PPP3CB: variants seen among roughly 807,000 people sequenced by gnomAD.
The protein encoded by PPP3CB is serine/threonine-protein phosphatase 2B catalytic subunit beta isoform.
In PPP3CB, 8 loss-of-function variants were observed where a neutral mutation model predicts 66.4. The observed-to-expected ratio is 0.12, with a 90% CI of 0.07 to 0.22. The LOEUF is 0.22. PPP3CB is among the 10% of genes least tolerant of loss of function. The pLI is 1.00. For missense variants in PPP3CB, 319 were observed against 642.5 expected (o/e 0.50, Z 5.44); for synonymous variants, 208 against 221.2 (o/e 0.94, Z 0.53).
intron 10 of PPP3CB, chr10:73,448,821 C>T (rs2056301575): frequency 2.1e-6 from 1 of 477,368 alleles, no homozygotes; most frequent in African/African-American, 2.0e-5. Context: ...AAATGAAGGC[C>T]CTCATATTTG....
At chr10:73,464,460 A>G (rs948826264) in intron 9 of PPP3CB, among the ~76,000 whole-genome samples, 8 of 152,186 alleles carry the variant, frequency 5.3e-5, no homozygotes, top group Admixed American at 4.6e-4. Context: ...AGATCATATA[A>G]TATTAGATCC....
At chr10:73,439,412 A>G (rs1161678200) in intron 13 of PPP3CB, among the ~76,000 whole-genome samples, 1 of 152,226 alleles carries the variant, frequency 6.6e-6, no homozygotes, top group Non-Finnish European at 1.5e-5. Flanking sequence ...CAGTTCCTGT[A>G]TTCTCAGTCA....
chr10:73,479,592 A>T lies in PPP3CB; in HGVS notation c.86-75T>A, dbSNP rs1003441472. On this transcript the variant is annotated intron_variant, in intron 1 of 13. Transcript: ENST00000360663. ...CTTAAAAACTAATAATTGGATCTAG[A>T]TAAGACTAAAAACTGTAAAGCAGGG... 11 of 1,367,408 alleles carry T rather than the reference A, an allele frequency of 8.0e-6. No individual in the cohort carries two copies. The Admixed American group carries it at 1.4e-4, about 17-fold the overall frequency. The allele number at this position is 1,367,408 out of a possible 1,614,324, so 84.7% of individuals were successfully genotyped here.
chr10:73,445,814 T>A (rs2056240014), intron 11 of PPP3CB, among the ~76,000 whole-genome samples: 1 of 149,230 alleles, frequency 6.7e-6, no homozygotes. Flanking sequence ...AGTGGCGTCA[T>A]CTCAGATCAC....
At chr10:73,481,625 T>TAA (rs1554825490) in intron 1 of PPP3CB, among the ~76,000 whole-genome samples, 1 of 138,654 alleles carries the variant, frequency 7.2e-6, no homozygotes. Flanking sequence ...TTAAAGTAAC[T>TAA]AAAAAAAAAC....
rs1299048964 is a variant in PPP3CB at position 73,441,375 on chromosome 10, G to A, written c.1367-1474C>T. Among the ~76,000 whole-genome samples the A allele has an allele frequency of 2.6e-5, 4 of 152,252 alleles. No homozygotes were observed. In the East Asian group the frequency reaches 7.7e-4, roughly 29 times the overall value. Reference sequence around the variant, plus strand: ...CCAGCACTCTCGGATGGCTGAGGTGGAAGGATCCCTTGAGCGTTTGAGCCC... The same window carrying A: ...CCAGCACTCTCGGATGGCTGAGGTGAAAGGATCCCTTGAGCGTTTGAGCCC... On this transcript the variant is annotated intron_variant, in intron 12 of 13. Coordinates refer to ENST00000360663, the MANE Select transcript of PPP3CB (RefSeq NM_021132.4).
At chr10:73,447,948 A>G (rs2056285087) in intron 10 of PPP3CB, among the ~76,000 whole-genome samples, 1 of 152,010 alleles carries the variant, frequency 6.6e-6, no homozygotes, top group South Asian at 2.1e-4. Context: ...GAATCATAGA[A>G]TATTAGAATT....
chr10:73,476,473 C>T lies in PPP3CB; in HGVS notation c.412-1443G>A, dbSNP rs563348209. Among the ~76,000 whole-genome samples the T allele has an allele frequency of 1.6e-4, 24 of 151,954 alleles. No homozygotes were observed. The South Asian group carries it at 5.0e-3, about 32-fold the overall frequency. ...CTCTATTAAAAATACAAAAACTAGC[C>T]GGGAGTGGTGGTGGGCACCTGTAAT... On this transcript the variant is annotated intron_variant, in intron 3 of 13. Coordinates refer to ENST00000360663, the MANE Select transcript of PPP3CB (RefSeq NM_021132.4).
intron 10 of PPP3CB, among the ~76,000 whole-genome samples, chr10:73,449,636 A>C (rs765976946): frequency 2.0e-4 from 30 of 152,210 alleles, no homozygotes; most frequent in Non-Finnish European, 5.9e-5. Context: ...GTTTTCAAAA[A>C]TTCTCTTTTA....
At position 73,471,274 on chromosome 10, in the gene PPP3CB, G is replaced by A. The variant is rs1282442606; in HGVS notation, c.670-65C>T. 2.7e-6 allele frequency: 4 copies of A among 1,480,350 alleles called. No individual in the cohort carries two copies. In the African/African-American group the frequency reaches 4.2e-5, roughly 16 times the overall value. The allele number at this position is 1,480,350 out of a possible 1,614,324, so 91.7% of individuals were successfully genotyped here. A position where few individuals can be genotyped will look rare whatever the true frequency, so the allele number is the denominator to read the frequency against. ...AAAAAGTAAGGATAAAATGTGCATA[G>A]GAAAACGATACCAACTTTGAATACA... On this transcript the variant is annotated intron_variant, in intron 5 of 13. Transcript: ENST00000360663.
At chr10:73,453,454 A>G (rs555917792) in intron 10 of PPP3CB, among the ~76,000 whole-genome samples, 2 of 152,232 alleles carry the variant, frequency 1.3e-5, no homozygotes, top group Non-Finnish European at 2.9e-5. Context: ...CAGACAAGGA[A>G]ATCTTTCCAT....
intron 9 of PPP3CB, among the ~76,000 whole-genome samples, chr10:73,462,940 ACT>A (rs1368181296): frequency 8.5e-6 from 1 of 117,278 alleles, no homozygotes; most frequent in Admixed American, 1.0e-4. Flanking sequence ...ACAGAGCAAG[ACT>A]CTGTCTCAAA....
intron 9 of PPP3CB, among the ~76,000 whole-genome samples, chr10:73,455,713 T>C (rs2056415267): frequency 6.6e-6 from 1 of 152,188 alleles, no homozygotes; most frequent in Non-Finnish European, 1.5e-5. Context: ...GGACTACAGG[T>C]GCCCGCCACC....
intron 1 of PPP3CB, 180 bp downstream of exon 1, chr10:73,495,625 A>G (rs2057188870): frequency 1.1e-6 from 1 of 896,464 alleles, no homozygotes; most frequent in East Asian, 4.3e-5. Context: ...GAGACCGCGG[A>G]ACCACTGCCA....
At chr10:73,494,675 C>T (rs1473385284) in intron 1 of PPP3CB, among the ~76,000 whole-genome samples, 1 of 151,680 alleles carries the variant, frequency 6.6e-6, no homozygotes, top group African/African-American at 2.4e-5. Context: ...AAAAAGGTTT[C>T]CTTGTTTTTA....
intron 12 of PPP3CB, among the ~76,000 whole-genome samples, chr10:73,440,992 C>T (rs1046569557): frequency 5.3e-5 from 8 of 152,168 alleles, no homozygotes; most frequent in East Asian, 1.9e-4. Context: ...TACTGGTTTA[C>T]AATATTGTCC....
At chr10:73,447,982 A>G (rs2056285721) in intron 10 of PPP3CB, among the ~76,000 whole-genome samples, 1 of 152,128 alleles carries the variant, frequency 6.6e-6, no homozygotes, top group South Asian at 2.1e-4. Context: ...GAGATACTAT[A>G]AAGTGCAATC....
chr10:73,444,730 T>C lies in PPP3CB; in HGVS notation c.1361A>G (p.Gln454Arg), dbSNP rs1437538750. The C allele has an allele frequency of 3.1e-6, 5 of 1,614,062 alleles. No individual in the cohort carries two copies. The highest frequency in any genetic ancestry group is 4.2e-6 in the Non-Finnish European group (5 of 1,180,044). The change falls in exon 12 of 14, where the codon CAA becomes CGA. Residue 454 changes from glutamine to arginine, a missense_variant. Physicochemically the swap from Gln to Arg is conservative, Grantham distance 43. Coordinates refer to ENST00000360663, the MANE Select transcript of PPP3CB (RefSeq NM_021132.4). ...GVLAGGRQTL[Q>R]SATVEAIEAE... is the part of the protein sequence containing the mutation. Reference sequence around the variant, plus strand: ...AAGTTGCATAACATCATTACCACTTTGCAGGGTCTGCCGTCCTCCAGCTAA... The same window carrying C: ...AAGTTGCATAACATCATTACCACTTCGCAGGGTCTGCCGTCCTCCAGCTAA...
At chr10:73,485,958 T>C (rs1316856397) in intron 1 of PPP3CB, among the ~76,000 whole-genome samples, 1 of 108,538 alleles carries the variant, frequency 9.2e-6, no homozygotes, top group African/African-American at 3.4e-5. Context: ...GTGTATTTTT[T>C]TTTTTCAGAT....
Sources: allele counts gnomAD v4.1 joint callset (sites outside exome capture counted in the v4.1 genomes callset), GRCh38; gene constraint gnomAD v4.1.1; transcripts MANE v1.5; gene names NCBI Gene and HGNC (gene_info 2026-07-23, HGNC 2026-07-21).